The following ANK2 variants were observed in gnomAD, a reference collection of about 807,000 sequenced individuals.
ANK2 encodes ankyrin-2.
A neutral mutation model predicts 360.5 loss-of-function variants in ANK2; 83 were observed. That is an observed-to-expected ratio of 0.23 (90% CI 0.19 to 0.28). The LOEUF is 0.28. ANK2 is among the 10% of genes least tolerant of loss of function. The pLI is 1.00. For synonymous variants in ANK2, 1,740 were observed against 1,759.5 expected (o/e 0.99, Z 0.28); for missense variants, 4,201 against 4,795.7 (o/e 0.88, Z 3.66).
intron 1 of ANK2, among the ~76,000 whole-genome samples, chr4:113,153,145 G>C (rs775830519): frequency 6.6e-6 from 1 of 151,894 alleles, no homozygotes; most frequent in Non-Finnish European, 1.5e-5. Flanking sequence ...CCAAAAGGGG[G>C]CTTTGAAGTA....
At chr4:113,373,591 T>G in intron 45 of ANK2, 142 bp downstream of exon 45, 1 of 905,276 alleles carries the variant, frequency 1.1e-6, no homozygotes, top group Non-Finnish European at 1.9e-6. Context: ...ACATTCACCT[T>G]TTTGTTTTCA....
At chr4:112,816,562 T>C (rs2055655152), upstream of ANK2, among the ~76,000 whole-genome samples, 1 of 152,012 alleles carries the variant, frequency 6.6e-6, no homozygotes, top group South Asian at 2.1e-4. Flanking sequence ...ATAGCCTTAA[T>C]TAACATATAA....
chr4:112,997,905 C>A (rs1468107204), intron 2 of ANK2, among the ~76,000 whole-genome samples: 1 of 132,734 alleles, frequency 7.5e-6, no homozygotes, highest in Non-Finnish European at 1.6e-5. Flanking sequence ...GAATTTTGGG[C>A]TATTTTTTTT....
At chr4:113,337,841 G>A (rs1002235037) in intron 31 of ANK2, among the ~76,000 whole-genome samples, 6 of 152,072 alleles carry the variant, frequency 3.9e-5, no homozygotes, top group East Asian at 1.9e-4. Context: ...TTCCAGCCCC[G>A]TAGATATATG....
In ANK2 at chr4:113,002,002, T is replaced by TTTTATTTA. The variant is rs140994396; in HGVS notation, c.21+97504_21+97511dup. Among the ~76,000 whole-genome samples the TTTTATTTA allele has an allele frequency of 2.8e-3, 416 of 151,008 alleles. 2 individuals are homozygous for TTTTATTTA. Among genetic ancestry groups the TTTTATTTA allele is most frequent in the African/African-American group, 7.2e-3 (299 of 41,264 alleles). ...CTCCTAAGCATTGCTCATCCGTTTC[T>TTTTATTTA]TTTATTTATTTATTTATTTATTTTT... On this transcript the variant is annotated intron_variant, in intron 2 of 30. Coordinates refer to the ANK2 transcript ENST00000503271.
At chr4:113,233,547 T>C (rs1052792176) in intron 5 of ANK2, among the ~76,000 whole-genome samples, 7 of 152,204 alleles carry the variant, frequency 4.6e-5, no homozygotes, top group Non-Finnish European at 1.0e-4. Context: ...AGATAATTTT[T>C]AATGTCTAAT....
At chr4:113,054,378 A>G (rs181680931) in intron 1 of ANK2, among the ~76,000 whole-genome samples, 4 of 152,272 alleles carry the variant, frequency 2.6e-5, no homozygotes, top group Non-Finnish European at 5.9e-5. Context: ...CTAAATAGAG[A>G]GATGAAGGAG....
chr4:112,996,301 T>C (rs1406091501), intron 2 of ANK2, among the ~76,000 whole-genome samples: 1 of 152,112 alleles, frequency 6.6e-6, no homozygotes, highest in Non-Finnish European at 1.5e-5. Flanking sequence ...CAAACGAGCA[T>C]GGGGAAACTT....
chr4:113,380,833 C>T (rs2097147682), intron 45 of ANK2, among the ~76,000 whole-genome samples: 1 of 152,206 alleles, frequency 6.6e-6, no homozygotes, highest in Non-Finnish European at 1.5e-5. Context: ...TTTCCCCTTC[C>T]TCCCCCACCA....
Position 113,311,324 on chromosome 4 carries a change from A to G in ANK2, c.2618A>G (p.Asp873Gly). ...RPEDLKELGD[D>G]SLPSSQFLDG... The stretch of plus-strand genomic sequence containing the variant: ...GAGGACCTAAAAGAACTGGGTGATG[A>G]CTCACTACCCAGCAGTCAGTTCCTG... Residue 873 changes from aspartate (D) to glycine (G), a missense_variant, in exon 24 of 46, where the codon GAC (aspartate) becomes GGC (glycine). This residue lies in a region of ANK2 where 1,268 missense variants were observed against 1,650.8 expected (regional missense o/e 0.77). Coordinates refer to ENST00000357077, the MANE Select transcript of ANK2 (RefSeq NM_001148.6). 1 of 1,614,024 alleles carries G rather than the reference A, an allele frequency of 6.2e-7. No individual in the cohort carries two copies. Among genetic ancestry groups the G allele is most frequent in the Non-Finnish European group, 8.5e-7 (1 of 1,179,992 alleles).
At chr4:113,144,809 A>G (rs896082310) in intron 1 of ANK2, among the ~76,000 whole-genome samples, 6 of 146,566 alleles carry the variant, frequency 4.1e-5, no homozygotes, top group African/African-American at 1.5e-4. Flanking sequence ...AAAAATTTAT[A>G]TATAAATATA....
intron 2 of ANK2, among the ~76,000 whole-genome samples, chr4:113,178,571 CAAAAAAA>C (rs537519981): frequency 1.0e-5 from 1 of 98,188 alleles, no homozygotes; most frequent in South Asian, 3.3e-4. Flanking sequence ...GACTCCATCT[CAAAAAAA>C]AAAAAAAAAA....
the ANK2 span, among the ~76,000 whole-genome samples, chr4:112,811,031 G>A: frequency 2.4e-4 from 36 of 151,206 alleles, no homozygotes; most frequent in Non-Finnish European, 5.2e-4. Flanking sequence ...CGCCTCCTGG[G>A]TTCACGCCAT....
intron 32 of ANK2, 64 bp from the exon 33 acceptor site, chr4:113,341,624 C>CT (rs2094312019): frequency 4.6e-6 from 7 of 1,535,198 alleles, no homozygotes; most frequent in Non-Finnish European, 6.3e-6. Flanking sequence ...ATTGAAGGAA[C>CT]TGATTTTATT....
intron 39 of ANK2, among the ~76,000 whole-genome samples, chr4:113,362,391 C>G (rs1405208485): frequency 6.6e-6 from 1 of 152,056 alleles, no homozygotes; most frequent in Non-Finnish European, 1.5e-5. Context: ...TACACACACC[C>G]CATAATGTAT....
intron 2 of ANK2, among the ~76,000 whole-genome samples, chr4:112,986,107 G>A (rs1437437979): frequency 9.5e-6 from 1 of 105,222 alleles, no homozygotes; most frequent in African/African-American, 3.6e-5. Flanking sequence ...TAGTATGTCT[G>A]GTTAGTACAC....
In ANK2 at chr4:113,353,764, G is replaced by A. The variant is rs763090080; in HGVS notation, c.5146G>A (p.Glu1716Lys). Residue 1716 changes from glutamate to lysine, a missense_variant, in exon 38 of 46, where the codon GAG (glutamate) becomes AAG (lysine). Around this residue, in one of 4 missense-constraint regions of ANK2, gnomAD observed 2,642 missense variants for 2,714.5 expected, o/e 0.97. Coordinates refer to ENST00000357077, the MANE Select transcript of ANK2 (RefSeq NM_001148.6). Reference sequence around the variant, plus strand: ...ATTAAAAGAAAAGCAGAAACAAAAAGAGGAAGGTTTACAAGCTAGTGCAGA... The same window carrying A: ...ATTAAAAGAAAAGCAGAAACAAAAAAAGGAAGGTTTACAAGCTAGTGCAGA... ...RKLKEKQKQK[E>K]EGLQASAEKA... 4 of 1,613,746 alleles carry A rather than the reference G, an allele frequency of 2.5e-6. No homozygotes were observed. The highest frequency in any genetic ancestry group is 2.2e-5 in the East Asian group (1 of 44,892).
At position 112,875,925 on chromosome 4, in the gene ANK2, T is replaced by C. The variant is rs536428965; in HGVS notation, c.-39-28530T>C. On this transcript the variant is annotated intron_variant, in intron 1 of 30. Coordinates refer to the ANK2 transcript ENST00000503271. ...CCTGGCTAATTTTTCTTTTTTCTTT[T>C]TTTTTTTTTTTTAGAGACAAAGTCT... is the stretch of plus-strand genomic sequence containing the variant. 7.7e-4 allele frequency among the ~76,000 whole-genome samples: 117 copies of C among 151,146 alleles called. 1 individual carries two copies. Among genetic ancestry groups the C allele is most frequent in the Non-Finnish European group, 1.5e-3 (100 of 67,644 alleles).
At chr4:112,929,201 C>T (rs2092918528) in intron 2 of ANK2, among the ~76,000 whole-genome samples, 1 of 152,118 alleles carries the variant, frequency 6.6e-6, no homozygotes, top group Admixed American at 6.6e-5. Context: ...ATGACAACCA[C>T]CACTCAGATT....
Sources: gnomAD v4.1 joint callset for allele counts (sites outside exome capture counted in the v4.1 genomes callset) on GRCh38, gnomAD v4.1.1 for gene constraint, gnomAD v4.1.1 regional missense constraint, MANE v1.5 for transcripts, NCBI Gene and HGNC (gene_info 2026-07-23, HGNC 2026-07-21) for gene names.